The following TSHZ1 variants were observed in gnomAD, a reference collection of about 807,000 sequenced individuals.
TSHZ1 encodes teashirt zinc finger homeobox 1.
TSHZ1 carries 12 observed loss-of-function variants against 67.1 expected under a neutral mutation model. The ratio of observed to expected loss-of-function variants is 0.18; its 90% CI spans 0.11 to 0.29. TSHZ1 has a LOEUF of 0.29. TSHZ1 is among the 10% of genes least tolerant of loss of function. TSHZ1 has a pLI of 1.00. For missense variants in TSHZ1, 1,305 were observed against 1,413.9 expected (o/e 0.92, Z 1.23); for synonymous variants, 632 against 622.4 (o/e 1.02, Z -0.23).
chr18:75,282,090 G>A (rs1176019247), intron 1 of TSHZ1, among the ~76,000 whole-genome samples: 1 of 152,182 alleles, frequency 6.6e-6, no homozygotes, highest in Non-Finnish European at 1.5e-5. Flanking sequence ...GACTTCTTAG[G>A]AGGGCCTTCT....
At chr18:75,221,620 G>A (rs919868586) in intron 1 of TSHZ1, among the ~76,000 whole-genome samples, 15 of 152,214 alleles carry the variant, frequency 9.9e-5, no homozygotes, top group Non-Finnish European at 2.2e-4. Flanking sequence ...CACAAGTATT[G>A]TGACTAATAT....
chr18:75,277,163 C>A (rs1013532902), intron 1 of TSHZ1, among the ~76,000 whole-genome samples: 1 of 151,958 alleles, frequency 6.6e-6, no homozygotes, highest in African/African-American at 2.4e-5. Context: ...AATTTCACAT[C>A]TGACTGTCGG....
At position 75,215,462 on chromosome 18, in the gene TSHZ1, A is replaced by G. The variant is rs1420626336; in HGVS notation, c.40+3546A>G. ...CACCCTGGCACACACACACAAAGAA[A>G]ACTGATATTGAGAAAAAGCTTAAAC... On this transcript the variant is annotated intron_variant, in intron 1 of 1. Coordinates refer to ENST00000580243, the MANE Select transcript of TSHZ1 (RefSeq NM_001308210.2). 2.0e-5 allele frequency among the ~76,000 whole-genome samples: 3 copies of G among 152,088 alleles called. No individual in the cohort carries two copies. In the East Asian group the frequency reaches 5.8e-4, roughly 29 times the overall value.
At chr18:75,280,827 G>T (rs994181060) in intron 1 of TSHZ1, 3 of 985,316 alleles carry the variant, frequency 3.0e-6, no homozygotes, top group Non-Finnish European at 3.6e-6. Flanking sequence ...AACAGCTCCA[G>T]ATTCTTCCAG....
In TSHZ1 at chr18:75,237,791, C is replaced by CTTTT. The variant is rs150217532; in HGVS notation, c.40+25875_40+25876insTTTT. Among the ~76,000 whole-genome samples, 834 of 143,562 alleles carry CTTTT rather than the reference C, an allele frequency of 5.8e-3. 7 individuals carry two copies. Among genetic ancestry groups the CTTTT allele is most frequent in the Non-Finnish European group, 8.2e-3 (547 of 66,746 alleles). The allele number at this position is 143,562 out of a possible 152,430, so 94.2% of individuals were successfully genotyped here. A position where few individuals can be genotyped will look rare whatever the true frequency, so the allele number is the denominator to read the frequency against. On this transcript the variant is annotated intron_variant, in intron 1 of 1. Transcript: ENST00000580243. Reference sequence around the variant, plus strand: ...AATTAGACTGAAGCCTTCTTTCTTTCATTTATTTATTTATTTATTTATTTA... The same window carrying CTTTT: ...AATTAGACTGAAGCCTTCTTTCTTTCTTTTATTTATTTATTTATTTATTTATTTA...
At chr18:75,234,238 A>G (rs1446915595) in intron 1 of TSHZ1, among the ~76,000 whole-genome samples, 2 of 152,104 alleles carry the variant, frequency 1.3e-5, no homozygotes, top group African/African-American at 4.8e-5. Context: ...CTTTATTCAG[A>G]ACTGGGATTG....
chr18:75,268,030 G>A (rs1034182995), intron 1 of TSHZ1, among the ~76,000 whole-genome samples: 3 of 152,204 alleles, frequency 2.0e-5, no homozygotes, highest in East Asian at 1.9e-4. Flanking sequence ...GATACTGGCC[G>A]TTTTGGTGAC....
At chr18:75,227,365 A>G (rs1462603366) in intron 1 of TSHZ1, among the ~76,000 whole-genome samples, 1 of 152,104 alleles carries the variant, frequency 6.6e-6, no homozygotes, top group African/African-American at 2.4e-5. Context: ...GCCTGCATAA[A>G]GACAGTGATG....
At chr18:75,250,280 G>T (rs2023282741) in intron 1 of TSHZ1, among the ~76,000 whole-genome samples, 1 of 152,142 alleles carries the variant, frequency 6.6e-6, no homozygotes, top group South Asian at 2.1e-4. Context: ...AGTCGCAAGG[G>T]TACTCTCCCA....
In TSHZ1 at chr18:75,288,348, A is replaced by T; in HGVS notation, c.2941A>T (p.Thr981Ser). The T allele has an allele frequency of 6.2e-7, 1 of 1,614,210 alleles. No homozygotes were observed. Among genetic ancestry groups the T allele is most frequent in the East Asian group, 2.2e-5 (1 of 44,886 alleles). Reference protein sequence around the residue: ...FCNDCASQFRTASTYISHLET... With the variant: ...FCNDCASQFRSASTYISHLET... ...CAACGATTGTGCCTCTCAGTTCAGA[A>T]CTGCTTCTACATACATAAGTCATTT... Residue 981 changes from threonine to serine, a missense_variant, in exon 2 of 2, where the codon ACT becomes TCT. By Grantham distance (58) the Thr-to-Ser change is moderately conservative. Transcript: ENST00000580243. The surrounding 1 kb of genome is among the most constrained non-coding windows in gnomAD (Gnocchi z 4.9).
At position 75,288,762 on chromosome 18, in the gene TSHZ1, G is replaced by GTT. The variant is rs2023822490; in HGVS notation, c.*124_*125dup. On this transcript the variant is annotated 3_prime_UTR_variant, in exon 2 of 2. Coordinates refer to ENST00000580243, the MANE Select transcript of TSHZ1 (RefSeq NM_001308210.2). This position sits in a 1 kb window ranked among gnomAD's most constrained non-coding sequence, Gnocchi z 4.9. ...TGCTGGCCCGCCTCTCTGGACCTTG[G>GTT]TTTTCTTACACATATTTTGTATATT... The GTT allele has an allele frequency of 6.9e-7, 1 of 1,452,174 alleles. No homozygotes were observed. Among genetic ancestry groups the GTT allele is most frequent in the Admixed American group, 2.7e-5 (1 of 36,668 alleles). The allele number at this position is 1,452,174 out of a possible 1,614,324, so 90.0% of individuals were successfully genotyped here. A position where few individuals can be genotyped will look rare whatever the true frequency, so the allele number is the denominator to read the frequency against.
chr18:75,286,995 A>G lies in TSHZ1; in HGVS notation c.1588A>G (p.Ser530Gly), dbSNP rs776784661. The G allele has an allele frequency of 2.5e-6, 4 of 1,613,920 alleles. No individual in the cohort carries two copies. The highest frequency in any genetic ancestry group is 3.4e-6 in the Non-Finnish European group (4 of 1,180,032). Residue 530 changes from serine to glycine, a missense_variant, in exon 2 of 2, where the codon AGC (serine) becomes GGC (glycine). Ser to Gly is a moderately conservative substitution (Grantham distance 56). Coordinates refer to ENST00000580243, the MANE Select transcript of TSHZ1 (RefSeq NM_001308210.2). The surrounding 1 kb of genome is among the most constrained non-coding windows in gnomAD (Gnocchi z 5.1). The part of the protein sequence containing the change: ...SEDSLEKFEP[S>G]TLYPYLREED... ...GGACAGCTTGGAGAAATTTGAGCCC[A>G]GCACCCTGTACCCGTACCTGCGTGA...
chr18:75,285,077 G>A (rs563642744), intron 1 of TSHZ1: 5 of 180,508 alleles, frequency 2.8e-5, no homozygotes, highest in Non-Finnish European at 5.7e-5. Context: ...TTTGCCATAT[G>A]GAAGTCATGA....
At chr18:75,219,615 G>C (rs528662452) in intron 1 of TSHZ1, among the ~76,000 whole-genome samples, 1 of 152,272 alleles carries the variant, frequency 6.6e-6, no homozygotes, top group African/African-American at 2.4e-5. Context: ...TACAGACTTA[G>C]ATTAAAGAAA....
At chr18:75,230,988 T>C (rs964258475) in intron 1 of TSHZ1, among the ~76,000 whole-genome samples, 1 of 152,218 alleles carries the variant, frequency 6.6e-6, no homozygotes, top group Non-Finnish European at 1.5e-5. Context: ...GTCAGTTCCC[T>C]TGTGGGGAAA....
intron 1 of TSHZ1, among the ~76,000 whole-genome samples, chr18:75,236,006 C>T (rs2023064225): frequency 6.6e-6 from 1 of 152,238 alleles, no homozygotes; most frequent in Non-Finnish European, 1.5e-5. Context: ...AACAAGCAAG[C>T]TTGCATGATA....
intron 1 of TSHZ1, among the ~76,000 whole-genome samples, chr18:75,223,661 G>A (rs956038850): frequency 1.1e-4 from 16 of 149,650 alleles, no homozygotes; most frequent in African/African-American, 3.7e-4. Context: ...TCCCTACCCC[G>A]CCTCTCTTGC....
chr18:75,288,652 T>C lies in TSHZ1; in HGVS notation c.*11T>C, dbSNP rs199879509. ...TTGGAGAAACAGTAGCGTCCAGGTATGCAAGAGACCGCGGAACATTGCACT... is the reference window on the plus strand; with the variant it reads ...TTGGAGAAACAGTAGCGTCCAGGTACGCAAGAGACCGCGGAACATTGCACT... On this transcript the variant is annotated 3_prime_UTR_variant, in exon 2 of 2. Coordinates refer to ENST00000580243, the MANE Select transcript of TSHZ1 (RefSeq NM_001308210.2). This position sits in a 1 kb window ranked among gnomAD's most constrained non-coding sequence, Gnocchi z 4.9. 17 of 1,571,536 alleles carry C rather than the reference T, an allele frequency of 1.1e-5. No homozygotes were observed. The highest frequency in any genetic ancestry group is 2.7e-5 in the African/African-American group (2 of 73,416).
intron 1 of TSHZ1, among the ~76,000 whole-genome samples, chr18:75,260,808 C>T (rs1169416924): frequency 2.0e-5 from 3 of 152,164 alleles, no homozygotes; most frequent in African/African-American, 4.8e-5. Flanking sequence ...AGCTTATGGC[C>T]GTGGTGGTGA....
Sources: allele counts gnomAD v4.1 joint callset (sites outside exome capture counted in the v4.1 genomes callset), GRCh38; gene constraint gnomAD v4.1.1; non-coding constraint Gnocchi (gnomAD v3.1); transcripts MANE v1.5; gene names NCBI Gene and HGNC (gene_info 2026-07-23, HGNC 2026-07-21).